Variants in RERG observed in about 807,000 individuals in gnomAD.
RERG encodes ras-related and estrogen-regulated growth inhibitor.
RERG carries 25 observed loss-of-function variants against 23.2 expected under a neutral mutation model. The observed-to-expected ratio is 1.08, with a 90% CI of 0.79 to 1.50. The LOEUF is 1.50. Ranked by LOEUF, RERG falls within the 40% of genes most tolerant of loss-of-function variation. The pLI is 0.00. For synonymous variants in RERG, 81 were observed against 89.1 expected (o/e 0.91, Z 0.51); for missense variants, 253 against 250.1 (o/e 1.01, Z -0.08).
intron 2 of RERG, among the ~76,000 whole-genome samples, chr12:15,146,329 T>A (rs1462675133): frequency 6.6e-6 from 1 of 152,224 alleles, no homozygotes; most frequent in Non-Finnish European, 1.5e-5. Flanking sequence ...TACTGTATTA[T>A]GTTATTTTAT....
At chr12:15,211,418 T>C (rs913691235) in intron 2 of RERG, among the ~76,000 whole-genome samples, 1 of 151,528 alleles carries the variant, frequency 6.6e-6, no homozygotes, top group Non-Finnish European at 1.5e-5. Flanking sequence ...CTAAGTGAAA[T>C]AAGTCTGGCA....
chr12:15,151,104 G>A (rs531873872), intron 2 of RERG, among the ~76,000 whole-genome samples: 8 of 152,144 alleles, frequency 5.3e-5, no homozygotes, highest in Non-Finnish European at 1.0e-4. Flanking sequence ...TTCTACCTCC[G>A]TAGGCTACAT....
intron 2 of RERG, among the ~76,000 whole-genome samples, chr12:15,158,205 A>T (rs933873771): frequency 6.6e-6 from 1 of 152,146 alleles, no homozygotes; most frequent in Non-Finnish European, 1.5e-5. Context: ...TCCAGAATCT[A>T]ATCTAGGACT....
intron 2 of RERG, among the ~76,000 whole-genome samples, chr12:15,201,599 A>G (rs1200482139): frequency 6.7e-6 from 1 of 148,702 alleles, no homozygotes; most frequent in Middle Eastern, 3.5e-3. Flanking sequence ...ATTAGTAATT[A>G]ACAATAATAA....
intron 2 of RERG, among the ~76,000 whole-genome samples, chr12:15,173,644 A>C (rs527383088): frequency 6.6e-6 from 1 of 152,082 alleles, no homozygotes; most frequent in Admixed American, 6.6e-5. Context: ...TCAGTCCTTT[A>C]AAATTTCTTT....
At chr12:15,216,420 T>C (rs1344830040) in intron 2 of RERG, among the ~76,000 whole-genome samples, 2 of 152,208 alleles carry the variant, frequency 1.3e-5, no homozygotes, top group African/African-American at 4.8e-5. Flanking sequence ...ACTGCTGAAA[T>C]TAAACCAGAC....
At chr12:15,147,747 C>A (rs1864358726) in intron 2 of RERG, among the ~76,000 whole-genome samples, 1 of 152,052 alleles carries the variant, frequency 6.6e-6, no homozygotes, top group Non-Finnish European at 1.5e-5. Context: ...AAGAGAGAGA[C>A]CATGGAGTTG....
intron 3 of RERG, among the ~76,000 whole-genome samples, chr12:15,113,843 C>T (rs1198283992): frequency 1.3e-5 from 2 of 151,900 alleles, no homozygotes; most frequent in Admixed American, 6.6e-5. Context: ...AATGAAATGT[C>T]CAGCTGGACT....
intron 2 of RERG, among the ~76,000 whole-genome samples, chr12:15,150,471 C>T (rs139194052): frequency 4.6e-4 from 70 of 152,266 alleles, no homozygotes; most frequent in South Asian, 8.3e-4. Context: ...ATATCTAACT[C>T]ATAGGATTGT....
At chr12:15,176,506 CA>C (rs1444880940) in intron 2 of RERG, among the ~76,000 whole-genome samples, 16 of 152,230 alleles carry the variant, frequency 1.1e-4, no homozygotes, top group African/African-American at 3.8e-4. Flanking sequence ...AGGGCTTTCA[CA>C]TTTCTCCTGT....
chr12:15,214,037 T>C (rs770787775), intron 2 of RERG, among the ~76,000 whole-genome samples: 1,475 of 95,674 alleles, frequency 0.015, 21 homozygotes, highest in African/African-American at 0.062. Flanking sequence ...TGTGTGTGTG[T>C]GCGCGTGTGT....
Position 15,108,747 on chromosome 12 carries a change from T to C in RERG, c.*363A>G, listed in dbSNP as rs1863544013. On this transcript the variant is annotated 3_prime_UTR_variant, in exon 5 of 5. Coordinates refer to ENST00000256953, the MANE Select transcript of RERG (RefSeq NM_032918.3). Reference sequence around the variant, plus strand: ...CTATCTTAGACTTTTAAGAAAATTATTTGTAGTATCTGACAAGAAATTGAA... The same window carrying C: ...CTATCTTAGACTTTTAAGAAAATTACTTGTAGTATCTGACAAGAAATTGAA... 1 of 171,672 alleles carries C rather than the reference T, an allele frequency of 5.8e-6. No individual in the cohort carries two copies. Among genetic ancestry groups the C allele is most frequent in the Non-Finnish European group, 1.2e-5 (1 of 81,648 alleles). The allele number at this position is 171,672 out of a possible 1,614,324, so 10.6% of individuals were successfully genotyped here.
At chr12:15,155,065 G>C (rs748292480) in intron 2 of RERG, 2 of 151,994 alleles carry the variant, frequency 1.3e-5, no homozygotes, top group Non-Finnish European at 2.9e-5. Context: ...ACTCAGCTAA[G>C]AGATATTCAG....
intron 2 of RERG, among the ~76,000 whole-genome samples, chr12:15,192,132 C>A (rs916782886): frequency 2.0e-5 from 3 of 152,148 alleles, no homozygotes; most frequent in African/African-American, 4.8e-5. Flanking sequence ...GGTTTAGCAC[C>A]ATCTCCTTGG....
Position 15,221,171 on chromosome 12 carries a change from CCTGGACACGTG to C in RERG, c.-115+13_-115+23del. On this transcript the variant is annotated intron_variant, in intron 1 of 4. Transcript: ENST00000256953. ...GCAGGAAGTCGTCCCGAAAGAGCTGCCTGGACACGTGCGTGACACTCACCTGTTCACACTCT... is the reference window on the plus strand; with the variant it reads ...GCAGGAAGTCGTCCCGAAAGAGCTGCCGTGACACTCACCTGTTCACACTCT... The C allele has an allele frequency of 6.6e-6, 1 of 152,272 alleles. No homozygotes were observed. The highest frequency in any genetic ancestry group is 6.5e-5 in the Admixed American group (1 of 15,290). The allele number at this position is 152,272 out of a possible 1,614,324, so 9.4% of individuals were successfully genotyped here.
At chr12:15,186,917 T>C (rs1426091102) in intron 2 of RERG, among the ~76,000 whole-genome samples, 1 of 152,174 alleles carries the variant, frequency 6.6e-6, no homozygotes, top group Non-Finnish European at 1.5e-5. Context: ...AACTTCACTA[T>C]TAAGCAGAAA....
intron 2 of RERG, among the ~76,000 whole-genome samples, chr12:15,128,118 C>A (rs928687987): frequency 6.6e-6 from 1 of 151,524 alleles, no homozygotes; most frequent in Non-Finnish European, 1.5e-5. Context: ...TTTTTTTTAA[C>A]GTGAGCGTAC....
rs1365893176 is a variant in RERG, at chr12:15,221,371, G to A, written c.-291C>T. 1.3e-5 allele frequency: 2 copies of A among 152,296 alleles called. No homozygotes were observed. Among genetic ancestry groups the A allele is most frequent in the East Asian group, 3.9e-4 (2 of 5,186 alleles). 9.4% of individuals were successfully genotyped at this position (152,296 alleles called of 1,614,324 possible). ...AGAAGCAAGTGCCAGTGGCCCGGCG[G>A]GGGTCTCCTCACTCGCGCTCGCTCC... On this transcript the variant is annotated 5_prime_UTR_variant, in exon 1 of 5. Coordinates refer to ENST00000256953, the MANE Select transcript of RERG (RefSeq NM_032918.3).
intron 2 of RERG, among the ~76,000 whole-genome samples, chr12:15,150,297 A>G (rs1299870682): frequency 6.6e-6 from 1 of 152,194 alleles, no homozygotes; most frequent in Non-Finnish European, 1.5e-5. Flanking sequence ...AACAAGCAAA[A>G]TAATAGCTAA....
Sources: gnomAD v4.1 joint callset for allele counts (sites outside exome capture counted in the v4.1 genomes callset) on GRCh38, gnomAD v4.1.1 for gene constraint, MANE v1.5 for transcripts, NCBI Gene and HGNC (gene_info 2026-07-23, HGNC 2026-07-21) for gene names.